PPP1R9A: variants seen among roughly 807,000 people sequenced by gnomAD.
PPP1R9A encodes the protein protein phosphatase 1 regulatory subunit 9A.
PPP1R9A carries 59 observed loss-of-function variants against 141.9 expected under a neutral mutation model. The ratio of observed to expected loss-of-function variants is 0.42; its 90% CI spans 0.34 to 0.52. The LOEUF is 0.52. Among genes scored for constraint, PPP1R9A ranks in the 20% least tolerant of loss-of-function variants. PPP1R9A has a pLI of 0.10. For missense variants in PPP1R9A, 1,444 were observed against 1,611.9 expected (o/e 0.90, Z 1.78); for synonymous variants, 500 against 569.7 (o/e 0.88, Z 1.74).
chr7:95,278,436 C>CT (rs1413186752), intron 16 of PPP1R9A, among the ~76,000 whole-genome samples: 3 of 152,040 alleles, frequency 2.0e-5, no homozygotes, highest in Non-Finnish European at 2.9e-5. Context: ...TATTTTACCT[C>CT]TTTTTTTCCC....
intron 4 of PPP1R9A, among the ~76,000 whole-genome samples, chr7:95,151,809 A>C (rs1828722828): frequency 6.6e-6 from 1 of 152,128 alleles, no homozygotes; most frequent in South Asian, 2.1e-4. Context: ...CTACAAAAGG[A>C]AAGTTTATTA....
intron 3 of PPP1R9A, among the ~76,000 whole-genome samples, chr7:95,115,050 G>A (rs1010197292): frequency 6.6e-6 from 1 of 151,924 alleles, no homozygotes; most frequent in Non-Finnish European, 1.5e-5. Flanking sequence ...AAACAAACTA[G>A]CAAGGAAGAG....
At chr7:95,235,486 G>T (rs540722515) in intron 8 of PPP1R9A, among the ~76,000 whole-genome samples, 25 of 152,162 alleles carry the variant, frequency 1.6e-4, no homozygotes, top group Non-Finnish European at 2.9e-4. Context: ...CCTCACTCCT[G>T]CAAGAATGGC....
At chr7:95,255,752 AT>A (rs966494670) in intron 12 of PPP1R9A, among the ~76,000 whole-genome samples, 1 of 151,888 alleles carries the variant, frequency 6.6e-6, no homozygotes, top group Non-Finnish European at 1.5e-5. Context: ...CATTAGCATA[AT>A]TTTTTTTCTG....
chr7:94,932,999 A>G (rs1794343371), intron 2 of PPP1R9A, among the ~76,000 whole-genome samples: 1 of 151,760 alleles, frequency 6.6e-6, no homozygotes. Flanking sequence ...ACAGATATAG[A>G]TTTTCTCTGA....
At chr7:95,062,791 A>T (rs567176315) in intron 2 of PPP1R9A, among the ~76,000 whole-genome samples, 89 of 148,974 alleles carry the variant, frequency 6.0e-4, no homozygotes, top group African/African-American at 1.7e-3. Context: ...TCTATGTTTT[A>T]AAAAAAAAAT....
chr7:95,145,933 C>T (rs996444051), intron 4 of PPP1R9A, among the ~76,000 whole-genome samples: 22 of 152,176 alleles, frequency 1.4e-4, no homozygotes, highest in Admixed American at 1.2e-3. Context: ...CAAGTCTTTG[C>T]TGTTGTGAAT....
intron 2 of PPP1R9A, chr7:95,108,820 A>G (rs1210109104): frequency 1.3e-5 from 2 of 152,162 alleles, no homozygotes; most frequent in African/African-American, 4.8e-5. Context: ...CAGTTATTTC[A>G]TACTTACTTT....
intron 2 of PPP1R9A, among the ~76,000 whole-genome samples, chr7:95,055,897 A>G (rs1381615882): frequency 6.6e-6 from 1 of 152,132 alleles, no homozygotes; most frequent in African/African-American, 2.4e-5. Flanking sequence ...CTACCTACTG[A>G]GAACCTACCA....
At chr7:95,121,459 G>A (rs13243417) in intron 4 of PPP1R9A, among the ~76,000 whole-genome samples, 8,622 of 50,170 alleles carry the variant, frequency 0.17, 323 homozygotes, top group East Asian at 0.37. Flanking sequence ...CTGTCTGTCT[G>A]TCTATCTATC....
At chr7:95,120,864 A>G (rs780437217) in intron 4 of PPP1R9A, 32 bp downstream of exon 4, 2 of 1,588,456 alleles carry the variant, frequency 1.3e-6, no homozygotes, top group Non-Finnish European at 1.7e-6. Context: ...ATAACTTAAA[A>G]TCTTTAGAGA....
intron 2 of PPP1R9A, among the ~76,000 whole-genome samples, chr7:95,083,736 C>T (rs1000294210): frequency 6.6e-6 from 1 of 151,922 alleles, no homozygotes; most frequent in Non-Finnish European, 1.5e-5. Flanking sequence ...CACAATAAAA[C>T]AGCAGCAAGA....
chr7:95,020,833 C>T (rs1222500673), intron 2 of PPP1R9A, among the ~76,000 whole-genome samples: 1 of 152,176 alleles, frequency 6.6e-6, no homozygotes, highest in African/African-American at 2.4e-5. Context: ...CATAGTATTC[C>T]GTGGTGTATA....
At chr7:94,933,653 A>G (rs532213598) in intron 2 of PPP1R9A, among the ~76,000 whole-genome samples, 2 of 152,352 alleles carry the variant, frequency 1.3e-5, no homozygotes, top group African/African-American at 4.8e-5. Flanking sequence ...AAAATAGATA[A>G]CATTCACCAT....
chr7:95,270,148 T>G (rs548295477), intron 14 of PPP1R9A, among the ~76,000 whole-genome samples: 4 of 152,142 alleles, frequency 2.6e-5, no homozygotes, highest in Admixed American at 2.0e-4. Context: ...ACAGAGACTG[T>G]GTATCTCACA....
intron 5 of PPP1R9A, among the ~76,000 whole-genome samples, chr7:95,191,261 T>G (rs1835452559): frequency 6.6e-6 from 1 of 152,224 alleles, no homozygotes; most frequent in African/African-American, 2.4e-5. Context: ...TGTATCTGCC[T>G]TGACTTATTG....
intron 8 of PPP1R9A, among the ~76,000 whole-genome samples, chr7:95,227,129 G>T (rs1795246271): frequency 6.6e-6 from 1 of 152,176 alleles, no homozygotes. Flanking sequence ...CTGTTTCTCT[G>T]CAGCCCTTAT....
chr7:95,166,701 A>G (rs1189831942), intron 5 of PPP1R9A, among the ~76,000 whole-genome samples: 4 of 152,216 alleles, frequency 2.6e-5, no homozygotes, highest in Admixed American at 1.3e-4. Flanking sequence ...GGAGATAAGG[A>G]CAGAACCAAA....
At chr7:95,223,044 A>G (rs1349683139) in intron 7 of PPP1R9A, among the ~76,000 whole-genome samples, 2 of 152,054 alleles carry the variant, frequency 1.3e-5, no homozygotes, top group African/African-American at 4.8e-5. Context: ...AGCAAGAGAG[A>G]GTTATAACAT....
Sources: allele counts gnomAD v4.1 joint callset (sites outside exome capture counted in the v4.1 genomes callset), GRCh38; gene constraint gnomAD v4.1.1; transcripts MANE v1.5; gene names NCBI Gene and HGNC (gene_info 2026-07-23, HGNC 2026-07-21).